The following UBE4B variants were observed in gnomAD, a reference collection of about 807,000 sequenced individuals.
UBE4B encodes the protein ubiquitin conjugation factor E4 B.
UBE4B carries 27 observed loss-of-function variants against 148.1 expected under a neutral mutation model. The ratio of observed to expected loss-of-function variants is 0.18; its 90% CI spans 0.13 to 0.25. The LOEUF (loss-of-function observed/expected upper bound fraction) is 0.25. Ranked by LOEUF, UBE4B falls within the 10% of genes least tolerant of loss-of-function variation. The pLI is 1.00. For synonymous variants in UBE4B, 596 were observed against 619.3 expected, an observed-to-expected ratio of 0.96 and a Z score of 0.56; for missense variants, 1,170 against 1,662.4, an observed-to-expected ratio of 0.70 and a Z score of 5.15.
intron 17 of UBE4B, among the ~76,000 whole-genome samples, chr1:10,143,477 C>G (rs1388155777): frequency 6.6e-6 from 1 of 152,114 alleles, no homozygotes; most frequent in Non-Finnish European, 1.5e-5. Flanking sequence ...ATCTCCTTCT[C>G]TGTCTCTGAG....
At chr1:10,130,417 C>CAGAGG in intron 12 of UBE4B, 83 bp from the exon 13 acceptor site, 1 of 1,113,746 alleles carries the variant, frequency 9.0e-7, no homozygotes, top group East Asian at 2.4e-5. Context: ...TGTGAAAATA[C>CAGAGG]AGAGGAGCTG....
intron 11 of UBE4B, chr1:10,128,547 A>G (rs1261923969): frequency 6.6e-6 from 1 of 152,192 alleles, no homozygotes. Context: ...TTAATTCACC[A>G]GGGGTGTGGC....
chr1:10,168,974 C>CGT lies in UBE4B; in HGVS notation c.3333+707_3333+708dup, dbSNP rs1646298451. ...GGATATTAAGTAGAATAATTGAGACCGTGTAAAATCTTTGGCTCTCTTAGC... is the reference window on the plus strand; with the variant it reads ...GGATATTAAGTAGAATAATTGAGACCGTGTGTAAAATCTTTGGCTCTCTTAGC... On this transcript the variant is annotated intron_variant, in intron 24 of 27. Transcript: ENST00000343090. The surrounding 1 kb of genome is among the most constrained non-coding windows in gnomAD (Gnocchi z 4.9). 6.6e-6 allele frequency among the ~76,000 whole-genome samples: 1 copy of CGT among 151,910 alleles called. No homozygotes were observed. Among genetic ancestry groups the CGT allele is most frequent in the Non-Finnish European group, 1.5e-5 (1 of 67,968 alleles).
chr1:10,171,237 G>A lies in UBE4B; in HGVS notation c.3433G>A (p.Gly1145Ser), dbSNP rs906670644. ...DLKVENPEKY[G>S]FEPKKLLDQL... is the part of the protein sequence containing the mutation. The stretch of plus-strand genomic sequence containing the variant: ...GAAAGTTGAAAACCCTGAGAAATAC[G>A]GCTTTGAACCAAAGAAGCTGTTGGA... Residue 1145 changes from glycine to serine, a missense_variant, in exon 25 of 28, where the codon GGC becomes AGC. Gly to Ser is a moderately conservative substitution (Grantham distance 56). Around this residue, in one of 6 missense-constraint regions of UBE4B, gnomAD observed 348 missense variants for 627.2 expected, o/e 0.55. Transcript: ENST00000343090. 8.1e-6 allele frequency: 13 copies of A among 1,614,156 alleles called. No individual in the cohort carries two copies. Among genetic ancestry groups the A allele is most frequent in the Non-Finnish European group, 1.1e-5 (13 of 1,180,034 alleles).
chr1:10,111,529 T>C (rs1645221439), intron 7 of UBE4B, among the ~76,000 whole-genome samples: 1 of 152,176 alleles, frequency 6.6e-6, no homozygotes, highest in Non-Finnish European at 1.5e-5. Context: ...CACACCGTCG[T>C]TCTTCATCCG....
At chr1:10,147,350 G>A (rs1028681385) in intron 19 of UBE4B, among the ~76,000 whole-genome samples, 1 of 152,020 alleles carries the variant, frequency 6.6e-6, no homozygotes, top group Non-Finnish European at 1.5e-5. Flanking sequence ...AAAATTAGCC[G>A]GGCTTGGTGG....
chr1:10,104,997 G>A (rs1045276502), intron 5 of UBE4B, among the ~76,000 whole-genome samples: 1 of 152,208 alleles, frequency 6.6e-6, no homozygotes, highest in Non-Finnish European at 1.5e-5. Flanking sequence ...ATTTGCTCCT[G>A]AAAGCCACAT....
At chr1:10,101,908 TAGA>T (rs1424639823) in intron 4 of UBE4B, among the ~76,000 whole-genome samples, 1 of 152,084 alleles carries the variant, frequency 6.6e-6, no homozygotes, top group Non-Finnish European at 1.5e-5. Context: ...TAGTCGCAAG[TAGA>T]AGGTTTTGGA....
At chr1:10,087,057 T>C (rs1360129569) in intron 2 of UBE4B, among the ~76,000 whole-genome samples, 1 of 152,208 alleles carries the variant, frequency 6.6e-6, no homozygotes, top group Non-Finnish European at 1.5e-5. Context: ...ATCTGTTCTT[T>C]ACAGTGGAGT....
At chr1:10,073,638 T>C (rs1485991476) in intron 2 of UBE4B, among the ~76,000 whole-genome samples, 3 of 152,066 alleles carry the variant, frequency 2.0e-5, no homozygotes, top group Non-Finnish European at 4.4e-5. Flanking sequence ...GAGAATTGCT[T>C]AAACCCGGGA....
chr1:10,052,636 G>A (rs1644073762), intron 1 of UBE4B, among the ~76,000 whole-genome samples: 1 of 152,194 alleles, frequency 6.6e-6, no homozygotes, highest in Non-Finnish European at 1.5e-5. Context: ...TTGCTGTCTT[G>A]AAATTCTTAA....
chr1:10,110,380 T>A (rs1290199076), intron 7 of UBE4B, among the ~76,000 whole-genome samples: 1 of 152,048 alleles, frequency 6.6e-6, no homozygotes, highest in Non-Finnish European at 1.5e-5. Context: ...CATAAATGAG[T>A]GAAGTGAGAA....
In UBE4B at chr1:10,180,080, C is replaced by A; in HGVS notation, c.*124C>A. ...AAATGTGGCAAACCAACCCCAGGCCCACCCAGAGCGAGCAAACGCTGAGAC... is the reference window on the plus strand; with the variant it reads ...AAATGTGGCAAACCAACCCCAGGCCAACCCAGAGCGAGCAAACGCTGAGAC... On this transcript the variant is annotated 3_prime_UTR_variant, in exon 28 of 28. Coordinates refer to ENST00000343090, the MANE Select transcript of UBE4B (RefSeq NM_001105562.3). 1 of 1,242,350 alleles carries A rather than the reference C, an allele frequency of 8.0e-7. No individual in the cohort carries two copies. The highest frequency in any genetic ancestry group is 1.1e-6 in the Non-Finnish European group (1 of 874,004). The allele number at this position is 1,242,350 out of a possible 1,614,324, so 77.0% of individuals were successfully genotyped here.
At chr1:10,172,827 T>C (rs1235224695) in intron 25 of UBE4B, among the ~76,000 whole-genome samples, 4 of 152,224 alleles carry the variant, frequency 2.6e-5, no homozygotes, top group Non-Finnish European at 5.9e-5. Context: ...TTTCTGTCGA[T>C]GCTGGACCAC....
chr1:10,123,011 T>C (rs1277354955), intron 10 of UBE4B, among the ~76,000 whole-genome samples: 1 of 152,222 alleles, frequency 6.6e-6, no homozygotes, highest in Admixed American at 6.5e-5. Context: ...CCAGTTAGTG[T>C]TGTGTATTCT....
intron 25 of UBE4B, among the ~76,000 whole-genome samples, chr1:10,177,550 G>C (rs1056455792): frequency 6.6e-6 from 1 of 152,030 alleles, no homozygotes; most frequent in Non-Finnish European, 1.5e-5. Flanking sequence ...CAGCTACTTG[G>C]GTGGCTAAGG....
chr1:10,065,183 T>C (rs1644364514), intron 1 of UBE4B, among the ~76,000 whole-genome samples: 1 of 152,208 alleles, frequency 6.6e-6, no homozygotes, highest in Non-Finnish European at 1.5e-5. Context: ...CACCCACACA[T>C]ACTTGTTGGT....
intron 9 of UBE4B, among the ~76,000 whole-genome samples, chr1:10,120,468 G>A (rs1180011604): frequency 1.3e-5 from 2 of 151,846 alleles, no homozygotes; most frequent in African/African-American, 2.4e-5. Context: ...GGTTGCAGCC[G>A]AGATCGTGCC....
intron 25 of UBE4B, among the ~76,000 whole-genome samples, chr1:10,174,458 T>C (rs1202999032): frequency 6.6e-6 from 1 of 151,270 alleles, no homozygotes; most frequent in Non-Finnish European, 1.5e-5. Context: ...CCCAGCACTT[T>C]GGGGAGCCGA....
Sources: allele counts gnomAD v4.1 joint callset (sites outside exome capture counted in the v4.1 genomes callset), GRCh38; gene constraint gnomAD v4.1.1; regional missense constraint gnomAD v4.1.1; non-coding constraint Gnocchi (gnomAD v3.1); transcripts MANE v1.5; gene names NCBI Gene and HGNC (gene_info 2026-07-23, HGNC 2026-07-21).